Variants in MYPN observed in about 807,000 individuals in gnomAD.
The protein encoded by MYPN is myopalladin, also known as sarcomeric protein myopalladin, 145 kDa (MYOP).
MYPN carries 63 observed loss-of-function variants against 129.4 expected under a neutral mutation model. The observed-to-expected ratio is 0.49, with a 90% CI of 0.40 to 0.60. The LOEUF is 0.60. Ranked by LOEUF, MYPN falls within the 20% of genes least tolerant of loss-of-function variation. MYPN has a pLI of 0.00. For missense variants in MYPN, 1,596 were observed against 1,635.4 expected (o/e 0.98, Z 0.42); for synonymous variants, 629 against 600.9 (o/e 1.05, Z -0.68).
At chr10:68,140,102 C>T (rs570333297) in intron 2 of MYPN, among the ~76,000 whole-genome samples, 1 of 152,092 alleles carries the variant, frequency 6.6e-6, no homozygotes, top group Non-Finnish European at 1.5e-5. Context: ...TGAGAAGGAC[C>T]TATCTTTGTA....
rs529441998 is a variant in MYPN at position 68,164,128 on chromosome 10, G to A, written c.1484-1574G>A. 4.5e-4 allele frequency among the ~76,000 whole-genome samples: 69 copies of A among 152,272 alleles called. No homozygotes were observed. The South Asian group carries it at 7.3e-3, about 16-fold the overall frequency. On this transcript the variant is annotated intron_variant, in intron 8 of 19. Transcript: ENST00000358913. The stretch of plus-strand genomic sequence containing the variant: ...TGGTCCACTGTGTGCTGCTGTGACC[G>A]AATACCTGAAACTGGGTGATTTTTA...
At chr10:68,150,432 T>G (rs190135080) in intron 6 of MYPN, among the ~76,000 whole-genome samples, 42 of 152,342 alleles carry the variant, frequency 2.8e-4, no homozygotes, top group African/African-American at 9.6e-4. Context: ...TTTCTCTGAA[T>G]TTTTAGAAAA....
At chr10:68,196,509 G>GTA (rs2043609668) in intron 15 of MYPN, among the ~76,000 whole-genome samples, 1 of 120,606 alleles carries the variant, frequency 8.3e-6, no homozygotes, top group Non-Finnish European at 1.8e-5. Context: ...TTGAGATGGG[G>GTA]GTCTCACTCT....
intron 6 of MYPN, among the ~76,000 whole-genome samples, chr10:68,151,255 T>C (rs1021839271): frequency 1.7e-4 from 26 of 152,234 alleles, no homozygotes; most frequent in African/African-American, 6.3e-4. Context: ...CTGTATCAGA[T>C]CATTCAAGAT....
intron 19 of MYPN, among the ~76,000 whole-genome samples, chr10:68,209,009 T>C (rs1364631854): frequency 6.6e-6 from 1 of 152,200 alleles, no homozygotes; most frequent in Non-Finnish European, 1.5e-5. Flanking sequence ...CTCCAAATTT[T>C]GATTTTTCTG....
At position 68,174,486 on chromosome 10, in the gene MYPN, A is replaced by G. The variant is rs1421298570; in HGVS notation, c.2394A>G (p.Thr798=). ...GPTEPTPPPF[T]FSIPSGNQFQ... is the part of the protein sequence containing the mutation. ...CAGAACCAACACCACCACCATTCAC[A>G]TTTTCCATCCCCAGCGGAAACCAGT... The change falls in exon 11 of 20, where the codon ACA becomes ACG. Residue 798 remains threonine, a synonymous_variant. Coordinates refer to ENST00000358913, the MANE Select transcript of MYPN (RefSeq NM_032578.4). The G allele has an allele frequency of 6.2e-7, 1 of 1,613,550 alleles. No homozygotes were observed. The highest frequency in any genetic ancestry group is 8.5e-7 in the Non-Finnish European group (1 of 1,179,860).
chr10:68,201,526 G>A (rs2043710424), intron 17 of MYPN, among the ~76,000 whole-genome samples: 1 of 152,244 alleles, frequency 6.6e-6, no homozygotes, highest in East Asian at 1.9e-4. Flanking sequence ...CAGCACTTTG[G>A]GAGGCCAAGG....
chr10:68,142,652 T>C (rs935936707), intron 2 of MYPN, among the ~76,000 whole-genome samples: 2 of 152,232 alleles, frequency 1.3e-5, no homozygotes, highest in Admixed American at 6.5e-5. Context: ...AAGTTCCACA[T>C]CAAAGACCCT....
chr10:68,178,287 TC>T (rs1215352855), intron 12 of MYPN, among the ~76,000 whole-genome samples: 1 of 152,224 alleles, frequency 6.6e-6, no homozygotes, highest in Non-Finnish European at 1.5e-5. Flanking sequence ...GAGAAAGGTT[TC>T]CTTATTTCTA....
intron 6 of MYPN, 131 bp downstream of exon 6, chr10:68,150,242 G>T (rs1319957954): frequency 2.6e-6 from 2 of 764,496 alleles, no homozygotes; most frequent in Middle Eastern, 2.3e-4. Context: ...GGTTTGGGTT[G>T]TTTTGTTAGT....
At chr10:68,179,422 C>T (rs2043279816) in intron 12 of MYPN, among the ~76,000 whole-genome samples, 1 of 152,104 alleles carries the variant, frequency 6.6e-6, no homozygotes, top group African/African-American at 2.4e-5. Context: ...TTGCTGCATC[C>T]CTGTTGTGCA....
intron 12 of MYPN, among the ~76,000 whole-genome samples, chr10:68,187,819 C>G (rs1000304649): frequency 6.6e-6 from 1 of 151,986 alleles, no homozygotes; most frequent in African/African-American, 2.4e-5. Context: ...TGGTGTGTCA[C>G]GGAAGGAAAT....
At chr10:68,119,056 G>T (rs987958828) in intron 1 of MYPN, among the ~76,000 whole-genome samples, 11 of 152,250 alleles carry the variant, frequency 7.2e-5, no homozygotes, top group Admixed American at 1.3e-4. Flanking sequence ...AGAAATAGTT[G>T]AGTTACAAAT....
intron 6 of MYPN, among the ~76,000 whole-genome samples, chr10:68,157,565 A>C (rs1349188142): frequency 6.6e-6 from 1 of 151,008 alleles, no homozygotes; most frequent in African/African-American, 2.4e-5. Context: ...CGGGTGCGGT[A>C]GCTCAAGCCT....
At chr10:68,158,705 TAAC>T in intron 7 of MYPN, 78 bp downstream of exon 7, 1 of 1,030,392 alleles carries the variant, frequency 9.7e-7, no homozygotes, top group South Asian at 1.5e-5. Flanking sequence ...TATAACTTTT[TAAC>T]AACTAATTAA....
chr10:68,174,396 C>G lies in MYPN; in HGVS notation c.2304C>G (p.Pro768=). The change falls in exon 11 of 20, where the codon CCC becomes CCG. Residue 768 remains proline (P), a synonymous_variant. Coordinates refer to ENST00000358913, the MANE Select transcript of MYPN (RefSeq NM_032578.4). ...AAGAAAGCCTCTTAGTGTCTCACCC[C>G]TCTGTGCAAACCAAATCTCCAGGAG... ...VSKESLLVSH[P]SVQTKSPGGL... The G allele has an allele frequency of 1.2e-6, 2 of 1,614,140 alleles. No homozygotes were observed. Among genetic ancestry groups the G allele is most frequent in the South Asian group, 2.2e-5 (2 of 91,090 alleles).
intron 3 of MYPN, among the ~76,000 whole-genome samples, chr10:68,143,384 AAG>A (rs2042607710): frequency 6.6e-6 from 1 of 152,188 alleles, no homozygotes; most frequent in Non-Finnish European, 1.5e-5. Flanking sequence ...AACCAAGAAA[AAG>A]AGATAGGAAT....
chr10:68,092,570 T>C (rs1215309168), intron 1 of MYPN, among the ~76,000 whole-genome samples: 1 of 152,184 alleles, frequency 6.6e-6, no homozygotes, highest in Non-Finnish European at 1.5e-5. Flanking sequence ...AACATCCTTA[T>C]AAATACAGGA....
intron 1 of MYPN, among the ~76,000 whole-genome samples, chr10:68,117,085 A>G (rs1434029601): frequency 6.6e-6 from 1 of 151,946 alleles, no homozygotes; most frequent in East Asian, 1.9e-4. Context: ...TTAGCCAGGC[A>G]TGGTGGCACA....
Sources: allele counts gnomAD v4.1 joint callset (sites outside exome capture counted in the v4.1 genomes callset), GRCh38; gene constraint gnomAD v4.1.1; transcripts MANE v1.5; gene names NCBI Gene and HGNC (gene_info 2026-07-23, HGNC 2026-07-21).